GRM8: variants seen among roughly 807,000 people sequenced by gnomAD.
GRM8 encodes glutamate metabotropic receptor 8, also known as metabotropic glutamate receptor 8.
Under a neutral mutation model 87.2 loss-of-function variants are expected in GRM8, and 47 were observed. The ratio of observed to expected loss-of-function variants is 0.54; its 90% confidence interval spans 0.43 to 0.69. The LOEUF (loss-of-function observed/expected upper bound fraction) is 0.69. Ranked by LOEUF, GRM8 falls within the 30% of genes least tolerant of loss-of-function variation. The pLI, the probability that GRM8 is intolerant of heterozygous loss-of-function variation, is 0.00. For synonymous variants in GRM8, 396 were observed against 404.5 expected (o/e 0.98, Z 0.25); for missense variants, 1,019 against 1,139.2 (o/e 0.89, Z 1.52).
At chr7:126,849,137 A>G (rs1421914605) in intron 6 of GRM8, among the ~76,000 whole-genome samples, 4 of 152,144 alleles carry the variant, frequency 2.6e-5, no homozygotes, top group Admixed American at 2.6e-4. Context: ...GGAATTCAAG[A>G]TGAGATTTGG....
intron 7 of GRM8, among the ~76,000 whole-genome samples, chr7:126,695,523 G>C (rs1700967059): frequency 6.6e-6 from 1 of 152,072 alleles, no homozygotes; most frequent in African/African-American, 2.4e-5. Context: ...GAGTTTTACA[G>C]GAAGAGAATC....
chr7:126,570,013 C>T (rs1424006823), intron 8 of GRM8, among the ~76,000 whole-genome samples: 1 of 152,142 alleles, frequency 6.6e-6, no homozygotes, highest in Non-Finnish European at 1.5e-5. Flanking sequence ...ATTATTTATC[C>T]ACATGGATTT....
At position 126,676,539 on chromosome 7, in the gene GRM8, G is replaced by A. The variant is rs765129279; in HGVS notation, c.1358-67041C>T. Among the ~76,000 whole-genome samples the A allele has an allele frequency of 4.7e-4, 72 of 152,026 alleles. 2 individuals are homozygous for A. Among genetic ancestry groups the A allele is most frequent in the Non-Finnish European group, 1.2e-4 (8 of 68,000 alleles). On this transcript the variant is annotated intron_variant, in intron 7 of 10. Transcript: ENST00000339582. Reference sequence around the variant, plus strand: ...TATAAAAGTAAATACATAGAACAATGGAATAGAATAGAGAACTCAGAAATA... The same window carrying A: ...TATAAAAGTAAATACATAGAACAATAGAATAGAATAGAGAACTCAGAAATA...
chr7:126,513,417 C>G (rs1427572620), intron 9 of GRM8, among the ~76,000 whole-genome samples: 9 of 152,050 alleles, frequency 5.9e-5, no homozygotes, highest in Non-Finnish European at 7.4e-5. Flanking sequence ...AACTAGATAG[C>G]TTTCATTTCC....
At chr7:126,780,602 A>T (rs1010025203) in intron 6 of GRM8, among the ~76,000 whole-genome samples, 1 of 152,138 alleles carries the variant, frequency 6.6e-6, no homozygotes, top group African/African-American at 2.4e-5. Flanking sequence ...CAAGGGAAGT[A>T]GAGGGGAGCA....
At chr7:126,544,915 T>C (rs1329409021) in intron 8 of GRM8, among the ~76,000 whole-genome samples, 1 of 152,204 alleles carries the variant, frequency 6.6e-6, no homozygotes, top group Non-Finnish European at 1.5e-5. Context: ...CTACCCATCA[T>C]TAAATACAGC....
rs148483454 is a variant in GRM8, at chr7:126,816,778, G to A, written c.1157-46713C>T. ...TGTGTGTGTGTGTGTGTAGTGTAGC[G>A]TATAATTTCAAGCATATACAGAGGT... is the stretch of plus-strand genomic sequence containing the variant. On this transcript the variant is annotated intron_variant, in intron 6 of 10. Transcript: ENST00000339582. Among the ~76,000 whole-genome samples the A allele has an allele frequency of 1.5e-3, 228 of 148,542 alleles. 1 individual carries two copies. The South Asian group carries it at 0.019, about 12-fold the overall frequency.
At chr7:126,900,457 A>T (rs1801956934) in intron 6 of GRM8, among the ~76,000 whole-genome samples, 1 of 151,432 alleles carries the variant, frequency 6.6e-6, no homozygotes. Context: ...TACGTACCAA[A>T]GCGTCTGTCC....
chr7:126,456,519 T>A (rs1338558319), intron 9 of GRM8, among the ~76,000 whole-genome samples: 30 of 69,686 alleles, frequency 4.3e-4, no homozygotes, highest in African/African-American at 7.5e-4. Context: ...AGCAGCAAGC[T>A]AAAAAAAAAA....
chr7:126,674,185 C>T lies in GRM8; in HGVS notation c.1358-64687G>A, dbSNP rs114538789. Among the ~76,000 whole-genome samples the T allele has an allele frequency of 1.3e-3, 191 of 152,286 alleles. 1 individual carries two copies. The highest frequency in any genetic ancestry group is 4.4e-3 in the African/African-American group (182 of 41,558). On this transcript the variant is annotated intron_variant, in intron 7 of 10. Transcript: ENST00000339582. ...TCCATACTCCAGCTCTACTGTACTG[C>T]TTACTAGAGATTTAATAATCCCCAA...
chr7:127,138,140 G>A (rs747405671), intron 2 of GRM8, among the ~76,000 whole-genome samples: 2 of 152,178 alleles, frequency 1.3e-5, no homozygotes, highest in Non-Finnish European at 2.9e-5. Flanking sequence ...GCACAAGAGA[G>A]GTTCCACAGC....
At chr7:126,587,059 C>G (rs575090738) in intron 8 of GRM8, among the ~76,000 whole-genome samples, 1 of 152,074 alleles carries the variant, frequency 6.6e-6, no homozygotes. Context: ...TTATGCAGCC[C>G]ACAGACACAG....
intron 3 of GRM8, among the ~76,000 whole-genome samples, chr7:127,033,161 A>G (rs1170499800): frequency 6.6e-6 from 1 of 151,988 alleles, no homozygotes; most frequent in Non-Finnish European, 1.5e-5. Flanking sequence ...AAAAATTATA[A>G]AAATCTTCTT....
At chr7:126,928,464 G>C (rs1462757503) in intron 3 of GRM8, among the ~76,000 whole-genome samples, 1 of 152,094 alleles carries the variant, frequency 6.6e-6, no homozygotes, top group East Asian at 1.9e-4. Flanking sequence ...TTTAGCTCAG[G>C]GGTTCAAGAC....
At chr7:126,908,881 GT>G (rs1384691232) in intron 3 of GRM8, among the ~76,000 whole-genome samples, 2 of 152,326 alleles carry the variant, frequency 1.3e-5, no homozygotes, top group South Asian at 2.1e-4. Flanking sequence ...GCATTGTGCT[GT>G]TTGGTGCCTG....
At chr7:126,738,369 G>A (rs758119690) in intron 7 of GRM8, among the ~76,000 whole-genome samples, 12 of 152,060 alleles carry the variant, frequency 7.9e-5, no homozygotes, top group African/African-American at 1.4e-4. Context: ...TAAGATAGGA[G>A]CAATCTAGTG....
intron 3 of GRM8, among the ~76,000 whole-genome samples, chr7:127,074,508 G>C (rs1360557607): frequency 6.6e-6 from 1 of 152,136 alleles, no homozygotes; most frequent in Non-Finnish European, 1.5e-5. Flanking sequence ...ATGAGTCTCA[G>C]CTTTGTATAT....
intron 7 of GRM8, among the ~76,000 whole-genome samples, chr7:126,629,849 A>G (rs559836563): frequency 6.6e-6 from 1 of 152,292 alleles, no homozygotes; most frequent in Admixed American, 6.5e-5. Flanking sequence ...ATAGTGAAAT[A>G]TATTTTAAAA....
intron 7 of GRM8, among the ~76,000 whole-genome samples, chr7:126,665,498 G>A (rs1298408313): frequency 2.6e-5 from 4 of 152,060 alleles, no homozygotes; most frequent in African/African-American, 9.7e-5. Flanking sequence ...ATTAATGCAG[G>A]AACAGAAAAC....
Sources: gnomAD v4.1 joint callset for allele counts (sites outside exome capture counted in the v4.1 genomes callset) on GRCh38, gnomAD v4.1.1 for gene constraint, MANE v1.5 for transcripts, NCBI Gene and HGNC (gene_info 2026-07-23, HGNC 2026-07-21) for gene names.